Variants in EYS observed in about 807,000 individuals in gnomAD.
EYS encodes EGF-like photoreceptor maintenance factor.
A neutral mutation model predicts 282.1 loss-of-function variants in EYS; 250 were observed. That is an observed-to-expected ratio of 0.89 (90% CI 0.80 to 0.98). The LOEUF (loss-of-function observed/expected upper bound fraction) is 0.98, where lower values mean the gene tolerates loss of function less well. Among genes scored for constraint, EYS ranks in the 50% least tolerant of loss-of-function variants. The pLI, the probability that EYS is intolerant of heterozygous loss-of-function variation, is 0.00. For missense variants in EYS, 4,016 were observed against 3,709.0 expected (o/e 1.08, Z -2.15); for synonymous variants, 1,355 against 1,282.9 (o/e 1.06, Z -1.20).
rs11970090 is a variant in EYS at position 64,214,076 on chromosome 6, A to C, written c.6424+16516T>G. Reference sequence around the variant, plus strand: ...TGAATTATAAATCAACTTAACGTGAAAATGTGTACAGATCTTAAGTTTTAA... The same window carrying C: ...TGAATTATAAATCAACTTAACGTGACAATGTGTACAGATCTTAAGTTTTAA... On this transcript the variant is annotated intron_variant, in intron 31 of 42. Transcript: ENST00000503581. 9.1e-3 allele frequency among the ~76,000 whole-genome samples: 1,382 copies of C among 152,276 alleles called. 18 individuals carry two copies. The highest frequency in any genetic ancestry group is 0.031 in the African/African-American group (1,292 of 41,578).
intron 30 of EYS, among the ~76,000 whole-genome samples, chr6:64,279,570 C>T (rs530053270): frequency 7.2e-5 from 11 of 152,244 alleles, no homozygotes; most frequent in African/African-American, 2.2e-4. Context: ...TCATTTCCTA[C>T]GTCTTGGAAG....
chr6:65,632,534 T>A (rs1766953285), intron 2 of EYS, among the ~76,000 whole-genome samples: 1 of 152,206 alleles, frequency 6.6e-6, no homozygotes, highest in Admixed American at 6.5e-5. Context: ...ATGTTATTAT[T>A]CATGCTCTAT....
intron 31 of EYS, among the ~76,000 whole-genome samples, chr6:64,125,111 AT>A (rs1419012208): frequency 1.3e-5 from 2 of 149,778 alleles, no homozygotes; most frequent in East Asian, 3.9e-4. Flanking sequence ...CCTGACTCCC[AT>A]TTTTTTTCTG....
chr6:64,096,727 C>A (rs777535170), intron 31 of EYS, among the ~76,000 whole-genome samples: 17 of 152,062 alleles, frequency 1.1e-4, no homozygotes, highest in Non-Finnish European at 1.3e-4. Flanking sequence ...GTAGTTTGAT[C>A]GTCTGAAGCC....
intron 30 of EYS, among the ~76,000 whole-genome samples, chr6:64,264,222 T>C (rs1228668023): frequency 6.6e-6 from 1 of 152,146 alleles, no homozygotes; most frequent in East Asian, 1.9e-4. Flanking sequence ...GCTAATGCCA[T>C]GTCAAACCCC....
At chr6:65,007,148 G>A (rs755745645) in intron 13 of EYS, among the ~76,000 whole-genome samples, 8 of 152,090 alleles carry the variant, frequency 5.3e-5, no homozygotes, top group Non-Finnish European at 8.8e-5. Flanking sequence ...ATAGGTGAGT[G>A]TAACTAATCA....
intron 35 of EYS, among the ~76,000 whole-genome samples, chr6:63,898,245 T>G (rs1773582503): frequency 6.6e-6 from 1 of 152,208 alleles, no homozygotes; most frequent in African/African-American, 2.4e-5. Context: ...TCCCAGCACG[T>G]TGGGAGGCTG....
intron 26 of EYS, among the ~76,000 whole-genome samples, chr6:64,583,795 C>A (rs72874999): frequency 0.011 from 1,640 of 142,890 alleles, 17 homozygotes; most frequent in Non-Finnish European, 0.015. Context: ...GATTCTGCCT[C>A]AAAAAAAAAA....
chr6:63,845,336 A>G (rs568900180), intron 36 of EYS, among the ~76,000 whole-genome samples: 3 of 152,086 alleles, frequency 2.0e-5, no homozygotes, highest in Non-Finnish European at 4.4e-5. Flanking sequence ...ATTACACAAC[A>G]CTAACAGTTC....
At chr6:64,379,468 G>GA (rs1772674323) in intron 29 of EYS, 1 of 151,964 alleles carries the variant, frequency 6.6e-6, no homozygotes, top group South Asian at 2.1e-4. Context: ...TATTAACATA[G>GA]AAAAAAGTGA....
At chr6:63,957,486 G>A (rs1765875660) in intron 35 of EYS, among the ~76,000 whole-genome samples, 1 of 140,624 alleles carries the variant, frequency 7.1e-6, no homozygotes, top group African/African-American at 2.4e-5. Context: ...TTTTAAATAG[G>A]AATTCACAAA....
At chr6:64,077,047 A>G (rs957089489) in intron 32 of EYS, among the ~76,000 whole-genome samples, 2 of 151,946 alleles carry the variant, frequency 1.3e-5, no homozygotes, top group African/African-American at 4.8e-5. Flanking sequence ...TTGCTGTCAT[A>G]AAAAAGATGA....
In EYS at chr6:65,538,796, C is replaced by T. The variant is rs181479560; in HGVS notation, c.-332-42803G>A. 7.7e-3 allele frequency among the ~76,000 whole-genome samples: 1,173 copies of T among 152,268 alleles called. 3 individuals are homozygous for T. Among genetic ancestry groups the T allele is most frequent in the Non-Finnish European group, 0.011 (751 of 68,012 alleles). ...TCCATACCATAATAAGCCTTACAAA[C>T]CCTACATGATCTGGCATCCTGCTAA... On this transcript the variant is annotated intron_variant, in intron 2 of 42. Coordinates refer to ENST00000503581, the MANE Select transcript of EYS (RefSeq NM_001142800.2).
intron 12 of EYS, among the ~76,000 whole-genome samples, chr6:65,062,245 A>G (rs553636254): frequency 1.3e-5 from 2 of 151,862 alleles, no homozygotes; most frequent in Non-Finnish European, 1.5e-5. Flanking sequence ...AAAACTCTCT[A>G]AGCAGCTCTA....
chr6:64,888,698 T>G (rs1767176130), intron 18 of EYS, among the ~76,000 whole-genome samples: 1 of 152,006 alleles, frequency 6.6e-6, no homozygotes, highest in Non-Finnish European at 1.5e-5. Context: ...TTTTCTCCAT[T>G]GTATTCATTT....
intron 35 of EYS, among the ~76,000 whole-genome samples, chr6:63,897,354 G>A (rs1773559868): frequency 6.6e-6 from 1 of 152,182 alleles, no homozygotes; most frequent in Non-Finnish European, 1.5e-5. Flanking sequence ...TTGAGATGGG[G>A]AGACTATATT....
rs144631005 is a variant in EYS, at chr6:64,482,566, A to G, written c.5645-43214T>C. ...GTTTCTATCTCACAGATTTTTGAAG[A>G]AAGAATGAATACAGTAAATAGCTTA... On this transcript the variant is annotated intron_variant, in intron 26 of 42. Coordinates refer to ENST00000503581, the MANE Select transcript of EYS (RefSeq NM_001142800.2). 2.9e-3 allele frequency among the ~76,000 whole-genome samples: 442 copies of G among 151,846 alleles called. 1 individual carries two copies. The highest frequency in any genetic ancestry group is 0.01 in the African/African-American group (419 of 41,504).
At chr6:64,042,642 GA>G (rs2149838237) in intron 33 of EYS, among the ~76,000 whole-genome samples, 1 of 152,228 alleles carries the variant, frequency 6.6e-6, no homozygotes, top group South Asian at 2.1e-4. Flanking sequence ...TGACTGAATG[GA>G]AACCACAGTC....
chr6:64,344,698 G>A (rs1452001818), intron 29 of EYS, among the ~76,000 whole-genome samples: 1 of 151,994 alleles, frequency 6.6e-6, no homozygotes, highest in Non-Finnish European at 1.5e-5. Flanking sequence ...GTTCTGGCCA[G>A]GGCAATCAGG....
Sources: allele counts gnomAD v4.1 joint callset (sites outside exome capture counted in the v4.1 genomes callset), GRCh38; gene constraint gnomAD v4.1.1; transcripts MANE v1.5; gene names NCBI Gene and HGNC (gene_info 2026-07-23, HGNC 2026-07-21).